HEXB: variants seen among roughly 807,000 people sequenced by gnomAD.
HEXB encodes the protein beta-hexosaminidase subunit beta.
Under a neutral mutation model 71.2 loss-of-function variants are expected in HEXB, and 51 were observed. The ratio of observed to expected loss-of-function variants is 0.72; its 90% CI spans 0.57 to 0.90. The LOEUF (loss-of-function observed/expected upper bound fraction) is 0.90, where lower values mean the gene tolerates loss of function less well. Ranked by LOEUF, HEXB falls within the 40% of genes least tolerant of loss-of-function variation. The pLI, the probability that HEXB is intolerant of heterozygous loss-of-function variation, is 0.00. For synonymous variants in HEXB, 266 were observed against 249.3 expected, an observed-to-expected ratio of 1.07 and a Z score of -0.63; for missense variants, 617 against 677.0, an observed-to-expected ratio of 0.91 and a Z score of 0.98.
At chr5:74,719,627 AAG>A (rs1749767721) in intron 11 of HEXB, among the ~76,000 whole-genome samples, 1 of 152,342 alleles carries the variant, frequency 6.6e-6, no homozygotes, top group East Asian at 1.9e-4. Flanking sequence ...GAGGACCAAA[AAG>A]CGATAATTAC....
At chr5:74,709,464 G>C (rs546156633) in intron 6 of HEXB, among the ~76,000 whole-genome samples, 1 of 152,190 alleles carries the variant, frequency 6.6e-6, no homozygotes, top group Admixed American at 6.5e-5. Flanking sequence ...GAAGGAAATA[G>C]ACACACAAAA....
intron 1 of HEXB, among the ~76,000 whole-genome samples, chr5:74,662,266 CTCAGGATAT>C (rs1158482287): frequency 1.3e-5 from 2 of 151,880 alleles, no homozygotes; most frequent in Non-Finnish European, 2.9e-5. Context: ...TGAATATTTT[CTCAGGATAT>C]TCAGCTACTC....
intron 6 of HEXB, among the ~76,000 whole-genome samples, chr5:74,711,826 A>T (rs1458564324): frequency 6.6e-6 from 1 of 151,988 alleles, no homozygotes; most frequent in Non-Finnish European, 1.5e-5. Context: ...ACACTTTTAC[A>T]CTGTTGGGAC....
upstream of HEXB, among the ~76,000 whole-genome samples, chr5:74,680,870 G>A (rs569649630): frequency 6.6e-6 from 1 of 152,308 alleles, no homozygotes; most frequent in African/African-American, 2.4e-5. Flanking sequence ...AAGCAATGGT[G>A]TTACATGTTT....
chr5:74,699,408 G>A (rs912634427), intron 5 of HEXB, among the ~76,000 whole-genome samples: 8 of 151,884 alleles, frequency 5.3e-5, no homozygotes, highest in Non-Finnish European at 1.0e-4. Flanking sequence ...TCGAGTAGCT[G>A]GGATTACAGG....
intron 2 of HEXB, 169 bp downstream of exon 2, chr5:74,689,642 T>A (rs903622397): frequency 3.0e-5 from 20 of 660,386 alleles, no homozygotes; most frequent in Non-Finnish European, 5.4e-5. Context: ...GTACATAGTC[T>A]TTGTGGAAAA....
At chr5:74,683,332 C>G (rs1748774083), upstream of HEXB, among the ~76,000 whole-genome samples, 1 of 151,558 alleles carries the variant, frequency 6.6e-6, no homozygotes, top group African/African-American at 2.4e-5. Flanking sequence ...GAGACAGAGT[C>G]TTACTCTGTG....
intron 11 of HEXB, 139 bp downstream of exon 11, chr5:74,719,110 A>G: frequency 2.6e-6 from 2 of 765,270 alleles, no homozygotes; most frequent in Non-Finnish European, 4.6e-6. Flanking sequence ...ATTACCTACC[A>G]ACTATCTTTT....
rs1181131696 is a variant in HEXB at position 74,717,187 on chromosome 5, AATCAATCAATCC to A, written c.1169+521_1169+532del. Reference sequence around the variant, plus strand: ...CAGAGTGAGACTGTCTCAATCAATCAATCAATCAATCCATCAATAAATATAAAACTCAGCTTG... The same window carrying A: ...CAGAGTGAGACTGTCTCAATCAATCAATCAATAAATATAAAACTCAGCTTG... On this transcript the variant is annotated intron_variant, in intron 9 of 13. Coordinates refer to ENST00000261416, the MANE Select transcript of HEXB (RefSeq NM_000521.4). 4.6e-5 allele frequency among the ~76,000 whole-genome samples: 7 copies of A among 152,188 alleles called. No homozygotes were observed. In the East Asian group the frequency reaches 9.7e-4, roughly 21 times the overall value.
chr5:74,695,349 G>A (rs1237684858), intron 3 of HEXB, among the ~76,000 whole-genome samples: 3 of 150,304 alleles, frequency 2.0e-5, no homozygotes, highest in African/African-American at 4.9e-5. Flanking sequence ...TACTACAGGC[G>A]CCTGCCACCA....
At position 74,644,225 on chromosome 5, in the gene HEXB, T is replaced by G. The variant is rs190866677; in HGVS notation, c.-377+3667T>G. Among the ~76,000 whole-genome samples, 113 of 152,354 alleles carry G rather than the reference T, an allele frequency of 7.4e-4. 1 individual carries two copies. The highest frequency in any genetic ancestry group is 2.4e-3 in the African/African-American group (98 of 41,584). On this transcript the variant is annotated intron_variant, in intron 1 of 13. Coordinates refer to the HEXB transcript ENST00000511181. ...AGCCTTGGCTGACGCCATGGGGACC[T>G]CTGGAGCTGAAATGGCCTCACAGGT...
At chr5:74,700,448 TTTAA>T (rs772391376) in intron 5 of HEXB, among the ~76,000 whole-genome samples, 1 of 151,822 alleles carries the variant, frequency 6.6e-6, no homozygotes, top group Non-Finnish European at 1.5e-5. Context: ...ATTTTTAAAA[TTTAA>T]TTAATTTAAA....
intron 1 of HEXB, among the ~76,000 whole-genome samples, chr5:74,674,924 C>A (rs1284622971): frequency 6.6e-6 from 1 of 152,130 alleles, no homozygotes; most frequent in Non-Finnish European, 1.5e-5. Flanking sequence ...CTCTTTTCCT[C>A]ATTTCCCATA....
At chr5:74,648,093 T>C (rs1406334813) in intron 1 of HEXB, among the ~76,000 whole-genome samples, 3 of 152,238 alleles carry the variant, frequency 2.0e-5, no homozygotes, top group Non-Finnish European at 4.4e-5. Context: ...AAAGTATTTA[T>C]TCTCTCAGAC....
chr5:74,703,725 G>A (rs959315318), intron 5 of HEXB, among the ~76,000 whole-genome samples: 1 of 152,192 alleles, frequency 6.6e-6, no homozygotes, highest in Non-Finnish European at 1.5e-5. Flanking sequence ...GAGTGCAGAG[G>A]TATGAGCTCA....
chr5:74,695,590 C>T (rs1312025552), intron 3 of HEXB, among the ~76,000 whole-genome samples: 2 of 150,906 alleles, frequency 1.3e-5, no homozygotes, highest in South Asian at 2.1e-4. Context: ...CCTGTAATCC[C>T]AGCACTTTGG....
chr5:74,685,809 T>G (rs1748854769), intron 1 of HEXB, among the ~76,000 whole-genome samples: 1 of 151,568 alleles, frequency 6.6e-6, no homozygotes, highest in Non-Finnish European at 1.5e-5. Flanking sequence ...GAAGAGGGAG[T>G]TTGCTCTGAG....
At chr5:74,655,315 T>A (rs1748197795) in intron 1 of HEXB, among the ~76,000 whole-genome samples, 1 of 49,212 alleles carries the variant, frequency 2.0e-5, no homozygotes, top group Non-Finnish European at 6.3e-5. Context: ...CATTAAACTT[T>A]TTTTTTTTTT....
intron 1 of HEXB, among the ~76,000 whole-genome samples, chr5:74,656,904 G>A (rs918655323): frequency 2.0e-5 from 3 of 152,176 alleles, no homozygotes; most frequent in Admixed American, 6.5e-5. Flanking sequence ...GAGCCACCAC[G>A]TCCAGCCTCT....
Sources: allele counts gnomAD v4.1 joint callset (sites outside exome capture counted in the v4.1 genomes callset), GRCh38; gene constraint gnomAD v4.1.1; transcripts MANE v1.5; gene names NCBI Gene and HGNC (gene_info 2026-07-23, HGNC 2026-07-21).